AK5: variants seen among roughly 807,000 people sequenced by gnomAD.
AK5 encodes the protein adenylate kinase 5.
Under a neutral mutation model 69.5 loss-of-function variants are expected in AK5, and 27 were observed. That is an observed-to-expected ratio of 0.39 (90% CI 0.29 to 0.54). The LOEUF (loss-of-function observed/expected upper bound fraction) is 0.54. AK5 is among the 20% of genes least tolerant of loss of function. The probability of loss-of-function intolerance (pLI) is 0.71; values close to 1 mark genes in which losing one functional copy is unlikely to be tolerated. For missense variants in AK5, 531 were observed against 700.4 expected (o/e 0.76, Z 2.73); for synonymous variants, 260 against 244.4 (o/e 1.06, Z -0.60).
intron 10 of AK5, among the ~76,000 whole-genome samples, chr1:77,496,518 G>C (rs1358320722): frequency 6.6e-6 from 1 of 152,178 alleles, no homozygotes; most frequent in Non-Finnish European, 1.5e-5. Flanking sequence ...AAGGAAAAAG[G>C]AGACAGTTGA....
At chr1:77,491,392 C>T (rs58143971) in intron 10 of AK5, among the ~76,000 whole-genome samples, 7,005 of 149,470 alleles carry the variant, frequency 0.047, 349 homozygotes, top group East Asian at 0.2. Flanking sequence ...CTGCAACCTC[C>T]GCCTTCTGTT....
intron 8 of AK5, among the ~76,000 whole-genome samples, chr1:77,473,322 A>G (rs1314137821): frequency 6.6e-6 from 1 of 151,840 alleles, no homozygotes; most frequent in African/African-American, 2.4e-5. Flanking sequence ...GTCTCAAGCT[A>G]TCCTCCCACC....
At chr1:77,330,500 C>A (rs559098174) in intron 5 of AK5, among the ~76,000 whole-genome samples, 12 of 152,270 alleles carry the variant, frequency 7.9e-5, no homozygotes, top group African/African-American at 2.9e-4. Context: ...AAAAGACTGT[C>A]CTTTTCCCTA....
intron 7 of AK5, among the ~76,000 whole-genome samples, chr1:77,414,346 T>C (rs999992842): frequency 6.6e-6 from 1 of 152,178 alleles, no homozygotes; most frequent in African/African-American, 2.4e-5. Flanking sequence ...AGGAGTTTTA[T>C]TTACGGACAC....
At chr1:77,511,445 G>A (rs1456141990) in intron 10 of AK5, among the ~76,000 whole-genome samples, 2 of 152,318 alleles carry the variant, frequency 1.3e-5, no homozygotes, top group Middle Eastern at 3.4e-3. Context: ...AAACATCAAT[G>A]TTTTGAAAAT....
chr1:77,317,969 A>G (rs1283147099), intron 5 of AK5, among the ~76,000 whole-genome samples: 1 of 152,206 alleles, frequency 6.6e-6, no homozygotes, highest in African/African-American at 2.4e-5. Context: ...GGCACACAGC[A>G]AAGATTCTCA....
At chr1:77,364,707 AT>A in intron 6 of AK5, among the ~76,000 whole-genome samples, 1 of 152,216 alleles carries the variant, frequency 6.6e-6, no homozygotes, top group South Asian at 2.1e-4. Context: ...GGATTTCATT[AT>A]TTTTTGTGAC....
chr1:77,475,388 G>A lies in AK5; in HGVS notation c.1060-7929G>A, dbSNP rs796355206. The stretch of plus-strand genomic sequence containing the variant: ...ATATACAAATATATATTATATATAT[G>A]TATATATATAATATATATGTATATA... On this transcript the variant is annotated intron_variant, in intron 8 of 13. Transcript: ENST00000354567. Among the ~76,000 whole-genome samples, 11 of 15,724 alleles carry A rather than the reference G, an allele frequency of 7.0e-4. 4 individuals carry two copies. In the East Asian group the frequency reaches 0.022, roughly 31 times the overall value. 10.3% of individuals were successfully genotyped at this position (15,724 alleles called of 152,430 possible).
At chr1:77,363,513 A>G (rs1646900597) in intron 6 of AK5, among the ~76,000 whole-genome samples, 1 of 152,296 alleles carries the variant, frequency 6.6e-6, no homozygotes, top group South Asian at 2.1e-4. Context: ...CTTCAATGAC[A>G]TTCACTCTCA....
chr1:77,308,396 G>T (rs141329884), intron 5 of AK5, among the ~76,000 whole-genome samples: 2,710 of 144,316 alleles, frequency 0.019, 81 homozygotes, highest in African/African-American at 0.065. Context: ...CTGAGATAGC[G>T]CCACGGCACT....
intron 8 of AK5, among the ~76,000 whole-genome samples, chr1:77,470,854 TATATATA>T (rs1654439566): frequency 6.3e-5 from 2 of 31,644 alleles, no homozygotes; most frequent in Non-Finnish European, 1.1e-4. Flanking sequence ...TATATATATA[TATATATA>T]TATATATATA....
At chr1:77,328,410 G>C (rs142570076) in intron 5 of AK5, among the ~76,000 whole-genome samples, 2,057 of 151,942 alleles carry the variant, frequency 0.014, 50 homozygotes, top group African/African-American at 0.047. Flanking sequence ...TGAGGCAGGA[G>C]AATTGCCTGA....
At chr1:77,314,751 T>C (rs1332144236) in intron 5 of AK5, 1 of 152,176 alleles carries the variant, frequency 6.6e-6, no homozygotes. Flanking sequence ...TTATTCAATC[T>C]AGCTATAATT....
intron 5 of AK5, among the ~76,000 whole-genome samples, chr1:77,324,752 G>T (rs1219893767): frequency 2.0e-5 from 3 of 151,846 alleles, no homozygotes; most frequent in Non-Finnish European, 2.9e-5. Flanking sequence ...AGTTAAAGGG[G>T]CATGAGGCGA....
At chr1:77,459,357 G>C (rs1407164303) in intron 8 of AK5, among the ~76,000 whole-genome samples, 1 of 152,058 alleles carries the variant, frequency 6.6e-6, no homozygotes, top group Non-Finnish European at 1.5e-5. Context: ...TACGTCCCCT[G>C]CTGCAGCCAG....
At chr1:77,430,544 G>C (rs1050958039) in intron 8 of AK5, among the ~76,000 whole-genome samples, 3 of 152,166 alleles carry the variant, frequency 2.0e-5, no homozygotes, top group Non-Finnish European at 4.4e-5. Flanking sequence ...ACAAATTTGT[G>C]AGCCTTTTTA....
At chr1:77,384,975 A>T (rs1184181001) in intron 6 of AK5, among the ~76,000 whole-genome samples, 2 of 152,250 alleles carry the variant, frequency 1.3e-5, no homozygotes, top group African/African-American at 4.8e-5. Context: ...TACTAGATGT[A>T]GAACAGTAAG....
intron 9 of AK5, among the ~76,000 whole-genome samples, chr1:77,483,607 G>A (rs74090606): frequency 0.014 from 2,086 of 152,194 alleles, 47 homozygotes; most frequent in African/African-American, 0.048. Flanking sequence ...GAGGCTCAGC[G>A]AAAAGAGGAT....
intron 10 of AK5, among the ~76,000 whole-genome samples, chr1:77,494,510 AT>A (rs758195320): frequency 3.9e-5 from 6 of 152,144 alleles, no homozygotes; most frequent in Non-Finnish European, 7.4e-5. Flanking sequence ...CCAACCCCTT[AT>A]CTCCTCTGGA....
Sources: allele counts gnomAD v4.1 joint callset (sites outside exome capture counted in the v4.1 genomes callset), GRCh38; gene constraint gnomAD v4.1.1; transcripts MANE v1.5; gene names NCBI Gene and HGNC (gene_info 2026-07-23, HGNC 2026-07-21).